The following STRN3 variants were observed in gnomAD, a reference collection of about 807,000 sequenced individuals.
STRN3 encodes striatin-3.
STRN3 carries 29 observed loss-of-function variants against 95.6 expected under a neutral mutation model. That is an observed-to-expected ratio of 0.30 (90% CI 0.23 to 0.41). The LOEUF is 0.41. Ranked by LOEUF, STRN3 falls within the 10% of genes least tolerant of loss-of-function variation. The pLI, the probability that STRN3 is intolerant of heterozygous loss-of-function variation, is 1.00. For synonymous variants in STRN3, 331 were observed against 357.6 expected, an observed-to-expected ratio of 0.93 and a Z score of 0.84; for missense variants, 890 against 972.1, an observed-to-expected ratio of 0.92 and a Z score of 1.12.
At chr14:30,909,992 T>C (rs1159670000) in intron 13 of STRN3, among the ~76,000 whole-genome samples, 10 of 152,334 alleles carry the variant, frequency 6.6e-5, no homozygotes, top group South Asian at 4.1e-4. Flanking sequence ...GCAATGTCGT[T>C]TGTCACCTAG....
At chr14:30,998,392 A>G (rs1882300056) in intron 1 of STRN3, among the ~76,000 whole-genome samples, 1 of 152,232 alleles carries the variant, frequency 6.6e-6, no homozygotes, top group Admixed American at 6.5e-5. Context: ...TATGCAGGGG[A>G]CTTTGAAAAA....
chr14:30,939,188 G>C (rs1424992727), intron 5 of STRN3, among the ~76,000 whole-genome samples: 1 of 152,152 alleles, frequency 6.6e-6, no homozygotes, highest in African/African-American at 2.4e-5. Context: ...TGAACAGTAA[G>C]CATGACTTCC....
At chr14:30,967,082 T>C (rs1413170878) in intron 1 of STRN3, among the ~76,000 whole-genome samples, 1 of 151,850 alleles carries the variant, frequency 6.6e-6, no homozygotes, top group African/African-American at 2.4e-5. Flanking sequence ...ATCCCTGGTG[T>C]TAAGGGGTTG....
At chr14:31,021,693 G>A (rs1197095149) in intron 1 of STRN3, among the ~76,000 whole-genome samples, 1 of 152,162 alleles carries the variant, frequency 6.6e-6, no homozygotes, top group Non-Finnish European at 1.5e-5. Flanking sequence ...AAAGAAAACA[G>A]TTTTGAAGGA....
chr14:30,948,682 A>G (rs1879487960), intron 4 of STRN3, among the ~76,000 whole-genome samples: 2 of 152,238 alleles, frequency 1.3e-5, no homozygotes, highest in Non-Finnish European at 2.9e-5. Flanking sequence ...CTGACAAATG[A>G]ACAAGAAGGA....
intron 7 of STRN3, among the ~76,000 whole-genome samples, chr14:30,933,291 A>C (rs958399956): frequency 6.7e-6 from 1 of 150,194 alleles, no homozygotes; most frequent in African/African-American, 2.4e-5. Context: ...AAAAAAAAAA[A>C]AAAAAAAAAA....
chr14:31,020,975 T>C (rs977128492), intron 1 of STRN3, among the ~76,000 whole-genome samples: 1 of 152,094 alleles, frequency 6.6e-6, no homozygotes, highest in Non-Finnish European at 1.5e-5. Flanking sequence ...TACATCATTA[T>C]ACACCCAGGA....
At chr14:31,002,649 A>G (rs1448360725) in intron 1 of STRN3, among the ~76,000 whole-genome samples, 1 of 150,732 alleles carries the variant, frequency 6.6e-6, no homozygotes, top group Non-Finnish European at 1.5e-5. Flanking sequence ...TCAAAAAAGA[A>G]AAAAAAAAAA....
At chr14:30,929,969 A>AAAAAAAAAC (rs1878439784) in intron 7 of STRN3, among the ~76,000 whole-genome samples, 1 of 149,230 alleles carries the variant, frequency 6.7e-6, no homozygotes, top group African/African-American at 2.5e-5. Context: ...AAAAAAAAAA[A>AAAAAAAAAC]AAAAAAAAAA....
In STRN3 at chr14:30,905,466, A is replaced by C; in HGVS notation, c.1981T>G (p.Leu661Val). Reference protein sequence around the residue: ...FNTGSAVIYDLETSQSLVILS... With the variant: ...FNTGSAVIYDVETSQSLVILS... ...ATCACCAATGACTGTGATGTTTCTA[A>C]ATCATAAATTACTGCACTACCAGTG... is the stretch of plus-strand genomic sequence containing the variant. Residue 661 changes from leucine to valine, a missense_variant, in exon 15 of 18, where the codon TTA (leucine) becomes GTA (valine). By Grantham distance (32) the Leu-to-Val change is conservative (BLOSUM62 1). This residue lies in a region of STRN3 where 357 missense variants were observed against 422.8 expected (regional missense o/e 0.84). Transcript: ENST00000357479. 3 of 1,609,000 alleles carry C rather than the reference A, an allele frequency of 1.9e-6. No homozygotes were observed. The highest frequency in any genetic ancestry group is 2.5e-6 in the Non-Finnish European group (3 of 1,178,132).
At chr14:30,989,267 G>A (rs548234075) in intron 1 of STRN3, among the ~76,000 whole-genome samples, 7 of 152,066 alleles carry the variant, frequency 4.6e-5, no homozygotes, top group South Asian at 2.1e-4. Context: ...CTTCTTCACC[G>A]TGAACTTCCT....
At chr14:30,942,493 A>C (rs1222797070) in intron 5 of STRN3, among the ~76,000 whole-genome samples, 1 of 152,248 alleles carries the variant, frequency 6.6e-6, no homozygotes, top group Admixed American at 6.5e-5. Context: ...AAATGTGTCA[A>C]TGCATTTTCT....
In STRN3 at chr14:30,993,742, C is replaced by T. The variant is rs954707749; in HGVS notation, c.282+32162G>A. Among the ~76,000 whole-genome samples the T allele has an allele frequency of 3.3e-5, 5 of 152,064 alleles. 1 individual carries two copies. The highest frequency in any genetic ancestry group is 9.7e-5 in the African/African-American group (4 of 41,378). ...TCGCCCAGGCTGGAGTGCAATAGTG[C>T]GATCTCGGCTCACTGCAACCTCGGC... On this transcript the variant is annotated intron_variant, in intron 1 of 17. Coordinates refer to ENST00000357479, the MANE Select transcript of STRN3 (RefSeq NM_001083893.2).
At chr14:30,922,350 G>T (rs1896906712) in intron 8 of STRN3, among the ~76,000 whole-genome samples, 1 of 151,992 alleles carries the variant, frequency 6.6e-6, no homozygotes, top group South Asian at 2.1e-4. Context: ...CTACTACTAT[G>T]AATACAACCC....
chr14:31,001,701 C>T (rs987384377), intron 1 of STRN3, among the ~76,000 whole-genome samples: 1 of 152,216 alleles, frequency 6.6e-6, no homozygotes, highest in Non-Finnish European at 1.5e-5. Context: ...CACAGCAACA[C>T]TATTCACAAT....
intron 1 of STRN3, among the ~76,000 whole-genome samples, chr14:30,960,344 A>G (rs1880127480): frequency 6.6e-6 from 1 of 152,168 alleles, no homozygotes; most frequent in South Asian, 2.1e-4. Flanking sequence ...AACAAAAAGA[A>G]TGAGGTGATA....
At chr14:30,947,041 C>A (rs1036347594) in intron 5 of STRN3, 49 bp downstream of exon 5, 23 of 1,150,026 alleles carry the variant, frequency 2.0e-5, no homozygotes, top group Non-Finnish European at 2.2e-5. Context: ...TTAACAATAA[C>A]AATATCCATA....
chr14:30,919,381 A>ATATC (rs1040639848), intron 8 of STRN3, among the ~76,000 whole-genome samples: 60 of 151,578 alleles, frequency 4.0e-4, no homozygotes, highest in African/African-American at 1.4e-3. Flanking sequence ...ATATATATAT[A>ATATC]TCTCCACAGA....
intron 1 of STRN3, 125 bp downstream of exon 1, chr14:31,025,779 G>C: frequency 7.5e-7 from 1 of 1,334,582 alleles, no homozygotes; most frequent in Admixed American, 2.2e-5. Flanking sequence ...CACAACCTGA[G>C]CAGCACAGGT....
Sources: gnomAD v4.1 joint callset for allele counts (sites outside exome capture counted in the v4.1 genomes callset) on GRCh38, gnomAD v4.1.1 for gene constraint, gnomAD v4.1.1 regional missense constraint, MANE v1.5 for transcripts, NCBI Gene and HGNC (gene_info 2026-07-23, HGNC 2026-07-21) for gene names.